Variants in TNFRSF10C observed in about 807,000 individuals in gnomAD.
TNFRSF10C encodes the protein tumor necrosis factor receptor superfamily member 10C.
In TNFRSF10C, 17 loss-of-function variants were observed where a neutral mutation model predicts 16.7. The observed-to-expected ratio is 1.02, with a 90% CI of 0.70 to 1.53. The LOEUF (loss-of-function observed/expected upper bound fraction) is 1.53. Among genes scored for constraint, TNFRSF10C ranks in the 40% most tolerant of loss-of-function variants. The pLI, the probability that TNFRSF10C is intolerant of heterozygous loss-of-function variation, is 0.00. For missense variants in TNFRSF10C, 237 were observed against 329.7 expected, an observed-to-expected ratio of 0.72 and a Z score of 2.18; for synonymous variants, 73 against 119.7, an observed-to-expected ratio of 0.61 and a Z score of 2.55.
Position 23,116,899 on chromosome 8 carries a change from CCCGGGGA to C in TNFRSF10C, c.650_656del (p.Pro217LeufsTer10). On this transcript the variant is annotated frameshift_variant, in exon 5 of 5. Coordinates refer to ENST00000356864, the MANE Select transcript of TNFRSF10C (RefSeq NM_003841.5). LOFTEE classifies it low-confidence loss of function (END_TRUNC). ...CTGCTGAAGAGACAATGACCACCAG[CCCGGGGA>C]CTCCTGCCCCAGCTGCTGAAGAGAC... 6.3e-7 allele frequency: 1 copy of C among 1,597,482 alleles called. No individual in the cohort carries two copies. The highest frequency in any genetic ancestry group is 1.4e-5 in the African/African-American group (1 of 72,056).
At position 23,116,718 on chromosome 8, in the gene TNFRSF10C, A is replaced by G. The variant is rs376360379; in HGVS notation, c.467A>G (p.Asn156Ser). ...CAGTGTGTTGAAGAATTTGGTGCCA[A>G]TGCCACTGTGGAAACCCCAGCTGCT... is the stretch of plus-strand genomic sequence containing the variant. ...DIQCVEEFGA[N>S]ATVETPAAEE... Residue 156 changes from asparagine (N) to serine (S), a missense_variant, in exon 5 of 5, where the codon AAT (asparagine) becomes AGT (serine). Physicochemically the swap from Asn to Ser is conservative, Grantham distance 46. This residue lies in a region of TNFRSF10C where 212 missense variants were observed against 196.8 expected (regional missense o/e 1.08). Coordinates refer to ENST00000356864, the MANE Select transcript of TNFRSF10C (RefSeq NM_003841.5). The G allele has an allele frequency of 1.2e-5, 19 of 1,614,048 alleles. No homozygotes were observed. The highest frequency in any genetic ancestry group is 1.7e-5 in the Admixed American group (1 of 60,008).
At position 23,103,097 on chromosome 8, in the gene TNFRSF10C, C is replaced by T. The variant is rs543343178; in HGVS notation, c.-25C>T. On this transcript the variant is annotated 5_prime_UTR_variant, in exon 1 of 5. Coordinates refer to ENST00000356864, the MANE Select transcript of TNFRSF10C (RefSeq NM_003841.5). ...GCCGAGGCAGGGTGCGACCCAGGAC[C>T]CAGGACGGCGTCGGGAACCATACCA... The T allele has an allele frequency of 5.0e-6, 8 of 1,606,876 alleles. No individual in the cohort carries two copies. The African/African-American group carries it at 1.1e-4, about 21-fold the overall frequency.
intron 4 of TNFRSF10C, 80 bp downstream of exon 4, chr8:23,115,696 C>A: frequency 8.3e-7 from 1 of 1,201,490 alleles, no homozygotes; most frequent in Non-Finnish European, 1.2e-6. Context: ...TATTTCTCCG[C>A]TGACCCTATG....
chr8:23,104,460 G>A lies in TNFRSF10C; in HGVS notation c.60+1279G>A, dbSNP rs183034607. 1.9e-3 allele frequency among the ~76,000 whole-genome samples: 288 copies of A among 152,120 alleles called. 1 individual carries two copies. The highest frequency in any genetic ancestry group is 5.0e-3 in the South Asian group (24 of 4,830). ...GCAGCTGGTTAGATCCCATCCTGAC[G>A]GCCTTTGCTAATTCCAACAGCATTG... On this transcript the variant is annotated intron_variant, in intron 1 of 4. Transcript: ENST00000356864.
Position 23,110,069 on chromosome 8 carries a change from C to CAAAAAAAAAAAAAAAAAAAAA in TNFRSF10C, c.61-1645_61-1625dup, listed in dbSNP as rs56263402. 2.8e-4 allele frequency among the ~76,000 whole-genome samples: 11 copies of CAAAAAAAAAAAAAAAAAAAAA among 39,650 alleles called. 4 individuals are homozygous for CAAAAAAAAAAAAAAAAAAAAA. Among genetic ancestry groups the CAAAAAAAAAAAAAAAAAAAAA allele is most frequent in the Non-Finnish European group, 3.6e-4 (9 of 25,166 alleles). 26.0% of individuals were successfully genotyped at this position (39,650 alleles called of 152,430 possible). A position where few individuals can be genotyped will look rare whatever the true frequency, so the allele number is the denominator to read the frequency against. On this transcript the variant is annotated intron_variant, in intron 1 of 4. Coordinates refer to ENST00000356864, the MANE Select transcript of TNFRSF10C (RefSeq NM_003841.5). ...GGAGGACAGAGGGAGACCCTGTCTC[C>CAAAAAAAAAAAAAAAAAAAAA]AAAAAAAAAAAAAAAAAAAAAAAAA...
rs199708872 is a variant in TNFRSF10C, at chr8:23,116,506, AC to A, written c.390-130del. ...CAGCCTCAACGAGGGAACTTGGGGG[AC>A]CCCCTCCAGACAGGAGCCTGTCCTT... On this transcript the variant is annotated intron_variant, in intron 4 of 4. Transcript: ENST00000356864. The A allele has an allele frequency of 5.3e-3, 6,612 of 1,258,218 alleles. 45 individuals carry two copies. The highest frequency in any genetic ancestry group is 6.3e-3 in the Middle Eastern group (23 of 3,664). The allele number at this position is 1,258,218 out of a possible 1,614,324, so 77.9% of individuals were successfully genotyped here. A position where few individuals can be genotyped will look rare whatever the true frequency, so the allele number is the denominator to read the frequency against.
At chr8:23,111,470 C>G (rs555874530) in intron 1 of TNFRSF10C, among the ~76,000 whole-genome samples, 5 of 151,720 alleles carry the variant, frequency 3.3e-5, no homozygotes, top group African/African-American at 1.2e-4. Flanking sequence ...CTGCCTCAGA[C>G]TTCCACATTG....
chr8:23,108,258 G>A (rs924352894), intron 1 of TNFRSF10C, among the ~76,000 whole-genome samples: 20 of 152,116 alleles, frequency 1.3e-4, no homozygotes, highest in Non-Finnish European at 2.2e-4. Context: ...GAAACAGTAC[G>A]CAGCCGGACC....
Position 23,103,070 on chromosome 8 carries a change from T to C in TNFRSF10C, c.-52T>C, listed in dbSNP as rs1193099629. 6.3e-7 allele frequency: 1 copy of C among 1,591,716 alleles called. No individual in the cohort carries two copies. Among genetic ancestry groups the C allele is most frequent in the African/African-American group, 1.3e-5 (1 of 74,684 alleles). On this transcript the variant is annotated 5_prime_UTR_variant, in exon 1 of 5. The change abolishes an upstream ATG in the 5' untranslated region. Coordinates refer to ENST00000356864, the MANE Select transcript of TNFRSF10C (RefSeq NM_003841.5). ...GGGACAGAGCGCCCCGGCCGCCTGA[T>C]GGCCGAGGCAGGGTGCGACCCAGGA...
At chr8:23,114,229 C>T (rs189018956) in intron 2 of TNFRSF10C, among the ~76,000 whole-genome samples, 5 of 151,980 alleles carry the variant, frequency 3.3e-5, no homozygotes, top group African/African-American at 9.7e-5. Context: ...GGACAGCAAA[C>T]AGGTCAGGTG....
intron 1 of TNFRSF10C, among the ~76,000 whole-genome samples, chr8:23,111,271 C>T (rs760778258): frequency 2.0e-5 from 3 of 151,014 alleles, no homozygotes; most frequent in South Asian, 2.1e-4. Flanking sequence ...CATTGGAGTG[C>T]AATGGCGCGA....
In TNFRSF10C at chr8:23,103,166, C is replaced by G; in HGVS notation, c.45C>G (p.Val15=). 6.2e-7 allele frequency: 1 copy of G among 1,611,536 alleles called. No homozygotes were observed. Among genetic ancestry groups the G allele is most frequent in the Non-Finnish European group, 8.5e-7 (1 of 1,179,150 alleles). The part of the protein sequence containing the change: ...PKTLKFVVVI[V]AVLLPVLAYS... Reference sequence around the variant, plus strand: ...CCCTAAAGTTCGTCGTCGTCATCGTCGCGGTCCTGCTGCCAGTGAGTCCCG... The same window carrying G: ...CCCTAAAGTTCGTCGTCGTCATCGTGGCGGTCCTGCTGCCAGTGAGTCCCG... The change falls in exon 1 of 5, where the codon GTC becomes GTG. Residue 15 remains valine, a synonymous_variant. Coordinates refer to ENST00000356864, the MANE Select transcript of TNFRSF10C (RefSeq NM_003841.5).
chr8:23,115,837 G>A (rs73222549), intron 4 of TNFRSF10C, among the ~76,000 whole-genome samples: 12,050 of 143,704 alleles, frequency 0.084, 789 homozygotes, highest in East Asian at 0.34. Flanking sequence ...TCCCCAGCAC[G>A]AGTCCCCTTG....
intron 1 of TNFRSF10C, among the ~76,000 whole-genome samples, chr8:23,110,632 C>A (rs1044751186): frequency 6.6e-5 from 10 of 152,276 alleles, no homozygotes; most frequent in African/African-American, 2.4e-4. Context: ...TGGCCAGAAT[C>A]CCTGAATTGC....
intron 2 of TNFRSF10C, among the ~76,000 whole-genome samples, chr8:23,113,241 G>A (rs1813913027): frequency 6.6e-6 from 1 of 152,154 alleles, no homozygotes. Context: ...CCCTCATTCT[G>A]TAGGTTGTCT....
chr8:23,114,132 C>T (rs754051951), intron 2 of TNFRSF10C, among the ~76,000 whole-genome samples: 1 of 152,000 alleles, frequency 6.6e-6, no homozygotes, highest in Non-Finnish European at 1.5e-5. Context: ...AGGAAGAGTG[C>T]TCTTGAGAAG....
chr8:23,104,858 G>C lies in TNFRSF10C; in HGVS notation c.60+1677G>C, dbSNP rs369247586. ...GGTATCCAGATGAGACAGCAGGGAA[G>C]ACTGAATTCTGAGCTGTGCACTTGG... On this transcript the variant is annotated intron_variant, in intron 1 of 4. Transcript: ENST00000356864. Among the ~76,000 whole-genome samples, 7 of 152,314 alleles carry C rather than the reference G, an allele frequency of 4.6e-5. 1 individual carries two copies. The highest frequency in any genetic ancestry group is 1.3e-4 in the Admixed American group (2 of 15,300).
chr8:23,116,783 G>A lies in TNFRSF10C; in HGVS notation c.532G>A (p.Ala178Thr), dbSNP rs1020481692. ...CACCAGCCCGGGGACTCCTGCCCCA[G>A]CTGCTGAAGAGACAATGAACACCAG... ...MNTSPGTPAP[A>T]AEETMNTSPG... Residue 178 changes from alanine to threonine, a missense_variant, in exon 5 of 5, where the codon GCT becomes ACT. Ala to Thr is a moderately conservative substitution (Grantham distance 58). Coordinates refer to ENST00000356864, the MANE Select transcript of TNFRSF10C (RefSeq NM_003841.5). The A allele has an allele frequency of 6.2e-7, 1 of 1,611,218 alleles. No homozygotes were observed. Among genetic ancestry groups the A allele is most frequent in the Non-Finnish European group, 8.5e-7 (1 of 1,179,054 alleles).
At chr8:23,103,325 C>A in intron 1 of TNFRSF10C, 144 bp downstream of exon 1, 1 of 1,433,976 alleles carries the variant, frequency 7.0e-7, no homozygotes, top group Non-Finnish European at 9.5e-7. Flanking sequence ...CCGTCGGAGT[C>A]AGGGGAAGAA....
Sources: gnomAD v4.1 joint callset for allele counts (sites outside exome capture counted in the v4.1 genomes callset) on GRCh38, gnomAD v4.1.1 for gene constraint, gnomAD v4.1.1 regional missense constraint, MANE v1.5 for transcripts, NCBI Gene and HGNC (gene_info 2026-07-23, HGNC 2026-07-21) for gene names.